The following SNX29 variants were observed in gnomAD, a reference collection of about 807,000 sequenced individuals.
The protein encoded by SNX29 is sorting nexin-29.
Under a neutral mutation model 102.1 loss-of-function variants are expected in SNX29, and 78 were observed. The observed-to-expected ratio is 0.76, with a 90% CI of 0.64 to 0.92. The LOEUF is 0.92. SNX29 is among the 40% of genes least tolerant of loss of function. The pLI is 0.00. For missense variants in SNX29, 1,280 were observed against 1,061.7 expected (o/e 1.21, Z -2.86); for synonymous variants, 580 against 414.5 (o/e 1.40, Z -4.85).
In SNX29 at chr16:12,571,622, CTTT is replaced by C. The variant is rs758863906; in HGVS notation, c.*2998_*3000del. On this transcript the variant is annotated 3_prime_UTR_variant, in exon 21 of 21. Coordinates refer to ENST00000566228, the MANE Select transcript of SNX29 (RefSeq NM_032167.5). ...GAACAGCAGGTTCCATCTTTCACAT[CTTT>C]TTTTCTCCCCCAGATGAAAGACGAC... 1.5e-5 allele frequency: 16 copies of C among 1,059,262 alleles called. No individual in the cohort carries two copies. The African/African-American group carries it at 1.8e-4, about 12-fold the overall frequency. 65.6% of individuals were successfully genotyped at this position (1,059,262 alleles called of 1,614,324 possible).
intron 13 of SNX29, among the ~76,000 whole-genome samples, chr16:12,187,054 A>G (rs1430400403): frequency 6.6e-6 from 1 of 152,210 alleles, no homozygotes; most frequent in Non-Finnish European, 1.5e-5. Flanking sequence ...GTCCCGGAGG[A>G]ATCCGGACTT....
intron 16 of SNX29, among the ~76,000 whole-genome samples, chr16:12,382,024 G>A (rs1420581946): frequency 6.6e-6 from 1 of 151,846 alleles, no homozygotes; most frequent in African/African-American, 2.4e-5. Context: ...TTCATCATGA[G>A]GAATATGTCT....
At chr16:12,506,465 G>A (rs1405941265) in intron 19 of SNX29, among the ~76,000 whole-genome samples, 1 of 152,176 alleles carries the variant, frequency 6.6e-6, no homozygotes, top group East Asian at 1.9e-4. Context: ...ATGTATGCTG[G>A]ACAGGCAAGA....
At chr16:12,380,415 C>T in intron 16 of SNX29, among the ~76,000 whole-genome samples, 1 of 115,376 alleles carries the variant, frequency 8.7e-6, no homozygotes, top group Non-Finnish European at 1.8e-5. Context: ...ACCCACCCAC[C>T]CACCCCTCAT....
chr16:12,374,116 C>T (rs148936728), intron 16 of SNX29, among the ~76,000 whole-genome samples: 1 of 152,236 alleles, frequency 6.6e-6, no homozygotes, highest in Admixed American at 6.5e-5. Context: ...CCACTTCTCC[C>T]CACTGGATGG....
At chr16:12,461,978 A>AATATATATATATAT (rs71139595) in intron 18 of SNX29, among the ~76,000 whole-genome samples, 8 of 27,346 alleles carry the variant, frequency 2.9e-4, no homozygotes, top group African/African-American at 6.9e-4. Context: ...AAAAAAAAAA[A>AATATATATATATAT]ATATATATAT....
chr16:12,361,732 G>A (rs1424273085), intron 16 of SNX29, among the ~76,000 whole-genome samples: 1 of 151,766 alleles, frequency 6.6e-6, no homozygotes, highest in African/African-American at 2.4e-5. Flanking sequence ...ATATACTAAT[G>A]GTAATATTTT....
intron 18 of SNX29, among the ~76,000 whole-genome samples, chr16:12,461,775 G>GGT (rs898850388): frequency 1.3e-5 from 2 of 150,662 alleles, no homozygotes; most frequent in Admixed American, 1.3e-4. Flanking sequence ...TGGCTAACAT[G>GGT]GTGAAACCCT....
Position 12,278,095 on chromosome 16 carries a change from C to G in SNX29, c.1782+59C>G, listed in dbSNP as rs529501516. The stretch of plus-strand genomic sequence containing the variant: ...TGATGTTGGCTGCGTTGGAGACTTT[C>G]CAGGGTAGGTCCAGCCTATTCTAAA... On this transcript the variant is annotated intron_variant, in intron 15 of 20. Transcript: ENST00000566228. The G allele has an allele frequency of 1.7e-5, 24 of 1,453,736 alleles. No homozygotes were observed. The South Asian group carries it at 1.9e-4, about 12-fold the overall frequency. 90.1% of individuals were successfully genotyped at this position (1,453,736 alleles called of 1,614,324 possible).
At chr16:12,334,743 C>A (rs1280141516) in intron 15 of SNX29, among the ~76,000 whole-genome samples, 1 of 152,120 alleles carries the variant, frequency 6.6e-6, no homozygotes, top group African/African-American at 2.4e-5. Flanking sequence ...TGGGTGTGTT[C>A]ACTTGGGGCT....
At chr16:12,168,680 A>G (rs1596409116) in intron 13 of SNX29, among the ~76,000 whole-genome samples, 1 of 152,320 alleles carries the variant, frequency 6.6e-6, no homozygotes, top group East Asian at 1.9e-4. Flanking sequence ...CTCATCACAC[A>G]GAGGCGCTTC....
chr16:12,143,225 G>A (rs990189486), intron 13 of SNX29, among the ~76,000 whole-genome samples: 2 of 151,636 alleles, frequency 1.3e-5, no homozygotes, highest in Admixed American at 6.6e-5. Flanking sequence ...TCGAACTCCC[G>A]ACCTCAGGTG....
chr16:12,424,486 T>C (rs1011159059), intron 18 of SNX29, among the ~76,000 whole-genome samples: 3 of 152,160 alleles, frequency 2.0e-5, no homozygotes, highest in African/African-American at 7.2e-5. Flanking sequence ...ACTAGAACCA[T>C]GGTAAGCAAC....
At chr16:12,122,322 G>C (rs1210571705) in intron 11 of SNX29, among the ~76,000 whole-genome samples, 1 of 152,148 alleles carries the variant, frequency 6.6e-6, no homozygotes, top group Admixed American at 6.6e-5. Flanking sequence ...CTTGGTTTGA[G>C]TCAGTAGGTA....
chr16:12,573,729 A>G lies in SNX29; in HGVS notation c.*5100A>G. The stretch of plus-strand genomic sequence containing the variant: ...AGGACAGTAGCACACGGAATGGTGG[A>G]TCGTACATTTGCACCCAGAGCTACT... On this transcript the variant is annotated 3_prime_UTR_variant, in exon 21 of 21. Transcript: ENST00000566228. 1 of 223,898 alleles carries G rather than the reference A, an allele frequency of 4.5e-6. No individual in the cohort carries two copies. Among genetic ancestry groups the G allele is most frequent in the Non-Finnish European group, 8.9e-6 (1 of 112,190 alleles). The allele number at this position is 223,898 out of a possible 1,614,324, so 13.9% of individuals were successfully genotyped here.
intron 15 of SNX29, among the ~76,000 whole-genome samples, chr16:12,282,763 C>T (rs901036503): frequency 3.4e-4 from 52 of 152,216 alleles, no homozygotes; most frequent in African/African-American, 1.2e-3. Flanking sequence ...TCAAGCGATT[C>T]TTCTGCCTCA....
intron 1 of SNX29, among the ~76,000 whole-genome samples, chr16:11,997,831 T>C (rs1238909583): frequency 2.0e-5 from 3 of 152,164 alleles, no homozygotes; most frequent in Non-Finnish European, 4.4e-5. Flanking sequence ...ACCATTTAAC[T>C]CCGGTGTCCT....
chr16:12,049,200 T>A (rs2050206559), intron 7 of SNX29, among the ~76,000 whole-genome samples: 1 of 152,108 alleles, frequency 6.6e-6, no homozygotes, highest in South Asian at 2.1e-4. Flanking sequence ...GCAAAAGAGT[T>A]GATTCAGGCC....
At chr16:12,401,416 G>GT (rs1263848381) in intron 17 of SNX29, among the ~76,000 whole-genome samples, 1 of 140,038 alleles carries the variant, frequency 7.1e-6, no homozygotes, top group East Asian at 2.1e-4. Flanking sequence ...CCAGGCTGGA[G>GT]TGCAGTGGTG....
Sources: allele counts gnomAD v4.1 joint callset (sites outside exome capture counted in the v4.1 genomes callset), GRCh38; gene constraint gnomAD v4.1.1; transcripts MANE v1.5; gene names NCBI Gene and HGNC (gene_info 2026-07-23, HGNC 2026-07-21).